SYNE1: variants seen among roughly 807,000 people sequenced by gnomAD.
SYNE1 encodes nesprin-1.
SYNE1 carries 616 observed loss-of-function variants against 1,111.0 expected under a neutral mutation model. That is an observed-to-expected ratio of 0.55 (90% CI 0.52 to 0.59). The LOEUF is 0.59. Among genes scored for constraint, SYNE1 ranks in the 20% least tolerant of loss-of-function variants. SYNE1 has a pLI of 0.00. For synonymous variants in SYNE1, 3,855 were observed against 3,825.8 expected (o/e 1.01, Z -0.28); for missense variants, 10,006 against 10,417.0 (o/e 0.96, Z 1.72).
At chr6:152,484,680 G>A (rs897187570) in intron 13 of SYNE1, among the ~76,000 whole-genome samples, 155 bp downstream of exon 13, 3 of 152,202 alleles carry the variant, frequency 2.0e-5, no homozygotes, top group Admixed American at 2.0e-4. Flanking sequence ...AGGAAAACTA[G>A]ACAAGGAGGC....
At position 152,471,679 on chromosome 6, in the gene SYNE1, A is replaced by C. The variant is rs1429421554; in HGVS notation, c.1550T>G (p.Val517Gly). Residue 517 changes from valine to glycine, a missense_variant, in exon 16 of 146, where the codon GTT (valine) becomes GGT (glycine). Around this residue, in one of 7 missense-constraint regions of SYNE1, gnomAD observed 1,971 missense variants for 2,084.1 expected, o/e 0.95. Coordinates refer to ENST00000367255, the MANE Select transcript of SYNE1 (RefSeq NM_182961.4). Reference sequence around the variant, plus strand: ...AGACTTCAGCTTTGACTCTGCAAGAACCAGCAGTGAGAGCAGACGGTACTT... The same window carrying C: ...AGACTTCAGCTTTGACTCTGCAAGACCCAGCAGTGAGAGCAGACGGTACTT... The part of the protein sequence containing the change: ...ELKYRLLSLL[V>G]LAESKLKSWI... 1 of 1,614,078 alleles carries C rather than the reference A, an allele frequency of 6.2e-7. No individual in the cohort carries two copies. The highest frequency in any genetic ancestry group is 1.7e-5 in the Admixed American group (1 of 60,016).
chr6:152,450,503 G>A, intron 27 of SYNE1, 122 bp downstream of exon 27: 1 of 1,001,158 alleles, frequency 1.0e-6, no homozygotes, highest in Non-Finnish European at 1.6e-6. Flanking sequence ...TTAAATGAAG[G>A]ATTTTTGTAC....
chr6:152,386,782 A>C (rs755916354), intron 54 of SYNE1, among the ~76,000 whole-genome samples: 28 of 144,782 alleles, frequency 1.9e-4, no homozygotes, highest in Non-Finnish European at 6.2e-5. Context: ...TTTGATGTGC[A>C]AAGTAGAGAG....
intron 11 of SYNE1, among the ~76,000 whole-genome samples, chr6:152,492,803 C>T (rs2098978363): frequency 1.3e-5 from 2 of 152,340 alleles, no homozygotes; most frequent in South Asian, 4.1e-4. Flanking sequence ...ACCCACTCCA[C>T]ATTACCTTCT....
At chr6:152,600,203 G>A (rs909887611) in intron 3 of SYNE1, among the ~76,000 whole-genome samples, 2 of 152,140 alleles carry the variant, frequency 1.3e-5, no homozygotes, top group South Asian at 2.1e-4. Context: ...CTCAGAAGAG[G>A]TGACGAAACA....
At chr6:152,577,581 C>G (rs948327850) in intron 3 of SYNE1, among the ~76,000 whole-genome samples, 1 of 151,910 alleles carries the variant, frequency 6.6e-6, no homozygotes, top group Non-Finnish European at 1.5e-5. Context: ...TGCAGTGAGC[C>G]GAGATGGTGC....
rs1186908560 is a variant in SYNE1, at chr6:152,318,087, G to A, written c.16566C>T (p.Leu5522=). The change falls in exon 86 of 146, where the codon CTC becomes CTT. Residue 5522 remains leucine (L), a synonymous_variant. Coordinates refer to ENST00000367255, the MANE Select transcript of SYNE1 (RefSeq NM_182961.4). ...IRQAENRLSK[L]NQAASHLEEY... ...TCTGGCCCGGAACACATACCTGATT[G>A]AGCTTGGAGAGCCGATTCTCAGCTT... 1 of 1,614,172 alleles carries A rather than the reference G, an allele frequency of 6.2e-7. No homozygotes were observed. The highest frequency in any genetic ancestry group is 1.1e-5 in the South Asian group (1 of 91,080).
At chr6:152,247,820 C>CA (rs1287181006) in intron 105 of SYNE1, among the ~76,000 whole-genome samples, 6 of 144,120 alleles carry the variant, frequency 4.2e-5, no homozygotes, top group Non-Finnish European at 9.0e-5. Flanking sequence ...AATGCACACT[C>CA]ACAGTTTTGC....
At position 152,419,445 on chromosome 6, in the gene SYNE1, A is replaced by C. The variant is rs544008234; in HGVS notation, c.5421+124T>G. 10 of 1,047,220 alleles carry C rather than the reference A, an allele frequency of 9.5e-6. No homozygotes were observed. The South Asian group carries it at 1.4e-4, about 15-fold the overall frequency. 64.9% of individuals were successfully genotyped at this position (1,047,220 alleles called of 1,614,324 possible). The stretch of plus-strand genomic sequence containing the variant: ...TATGCTCAATTATTAAAACATTTTC[A>C]TATAAATAAAAAGTTAAATTCTCAC... On this transcript the variant is annotated intron_variant, in intron 40 of 145. Coordinates refer to ENST00000367255, the MANE Select transcript of SYNE1 (RefSeq NM_182961.4).
intron 40 of SYNE1, among the ~76,000 whole-genome samples, chr6:152,417,904 T>A (rs2154184507): frequency 6.6e-6 from 1 of 152,300 alleles, no homozygotes; most frequent in Non-Finnish European, 1.5e-5. Flanking sequence ...TCTTTTTCCA[T>A]TAAATTAGTT....
chr6:152,242,531 C>T, intron 106 of SYNE1, 91 bp from the exon 107 acceptor site: 1 of 1,443,300 alleles, frequency 6.9e-7, no homozygotes, highest in Non-Finnish European at 9.6e-7. Context: ...AAGCCCGAGA[C>T]CCAACCAAGA....
intron 64 of SYNE1, among the ~76,000 whole-genome samples, chr6:152,361,566 T>C (rs2096931368): frequency 6.6e-6 from 1 of 152,030 alleles, no homozygotes; most frequent in Non-Finnish European, 1.5e-5. Context: ...TGAGCAGGAA[T>C]AGAGAATGTG....
At chr6:152,162,040 T>C (rs1402783531) in intron 131 of SYNE1, among the ~76,000 whole-genome samples, 1 of 152,186 alleles carries the variant, frequency 6.6e-6, no homozygotes. Context: ...CTGGTTTGCT[T>C]TCTCCAGAGA....
intron 100 of SYNE1, among the ~76,000 whole-genome samples, chr6:152,264,271 C>T (rs138454462): frequency 6.4e-4 from 94 of 147,002 alleles, no homozygotes; most frequent in African/African-American, 1.6e-3. Flanking sequence ...TGAATTTCCA[C>T]GGATCTTCAT....
Position 152,626,477 on chromosome 6 carries a change from G to A in SYNE1, c.67+1788C>T, listed in dbSNP as rs117197438. 4.3e-4 allele frequency among the ~76,000 whole-genome samples: 65 copies of A among 152,228 alleles called. 2 individuals are homozygous for A. In the East Asian group the frequency reaches 0.012, roughly 28 times the overall value. ...CAAACAGCCAAGACAAACATAGACA[G>A]TGGAATGGAACTCAAATTCAGCATT... On this transcript the variant is annotated intron_variant, in intron 3 of 145. Coordinates refer to ENST00000367255, the MANE Select transcript of SYNE1 (RefSeq NM_182961.4).
chr6:152,547,209 G>A (rs1415411495), intron 3 of SYNE1, among the ~76,000 whole-genome samples: 1 of 152,228 alleles, frequency 6.6e-6, no homozygotes, highest in Non-Finnish European at 1.5e-5. Flanking sequence ...GTGGTGGTTT[G>A]TTGCACAGGA....
intron 3 of SYNE1, among the ~76,000 whole-genome samples, chr6:152,589,994 G>C (rs956947545): frequency 6.7e-6 from 1 of 149,248 alleles, no homozygotes; most frequent in African/African-American, 2.5e-5. Flanking sequence ...GCACCTAGTG[G>C]TGCCACCATA....
intron 22 of SYNE1, among the ~76,000 whole-genome samples, chr6:152,458,546 AT>A (rs2098711915): frequency 6.6e-6 from 1 of 152,204 alleles, no homozygotes; most frequent in Admixed American, 6.5e-5. Flanking sequence ...CAGCTAGACC[AT>A]TCCCTGGAAA....
At chr6:152,366,774 T>C (rs1036584803) in intron 62 of SYNE1, among the ~76,000 whole-genome samples, 1 of 152,218 alleles carries the variant, frequency 6.6e-6, no homozygotes, top group Admixed American at 6.5e-5. Context: ...GCACCCAGTA[T>C]ACAAATGAAT....
Sources: gnomAD v4.1 joint callset for allele counts (sites outside exome capture counted in the v4.1 genomes callset) on GRCh38, gnomAD v4.1.1 for gene constraint, gnomAD v4.1.1 regional missense constraint, MANE v1.5 for transcripts, NCBI Gene and HGNC (gene_info 2026-07-23, HGNC 2026-07-21) for gene names.